The following MYH7B variants were observed in gnomAD, a reference collection of about 807,000 sequenced individuals.
The protein encoded by MYH7B is myosin-7B.
A neutral mutation model predicts 234.5 loss-of-function variants in MYH7B; 205 were observed. The ratio of observed to expected loss-of-function variants is 0.87; its 90% CI spans 0.78 to 0.98. The LOEUF (loss-of-function observed/expected upper bound fraction) is 0.98. Ranked by LOEUF, MYH7B falls within the 50% of genes least tolerant of loss-of-function variation. The probability of loss-of-function intolerance (pLI) is 0.00; values close to 1 mark genes in which losing one functional copy is unlikely to be tolerated. For missense variants in MYH7B, 2,652 were observed against 2,633.4 expected (o/e 1.01, Z -0.15); for synonymous variants, 1,193 against 1,105.0 (o/e 1.08, Z -1.58).
At chr20:34,973,549 C>T (rs560758053) in intron 2 of MYH7B, among the ~76,000 whole-genome samples, 1 of 152,300 alleles carries the variant, frequency 6.6e-6, no homozygotes, top group East Asian at 1.9e-4. Context: ...AGGCCTCAGC[C>T]CTGGTCGACC....
intron 30 of MYH7B, 118 bp downstream of exon 30, chr20:34,996,876 G>A (rs940091024): frequency 1.2e-5 from 17 of 1,415,540 alleles, no homozygotes; most frequent in Non-Finnish European, 1.5e-5. Context: ...GTTGACAGAT[G>A]GGGCACTGGG....
rs1305387914 is a variant in MYH7B, at chr20:34,997,533, G to A, written c.3640G>A (p.Val1214Met). The A allele has an allele frequency of 2.5e-6, 4 of 1,609,480 alleles. No individual in the cohort carries two copies. Among genetic ancestry groups the A allele is most frequent in the Admixed American group, 3.4e-5 (2 of 59,600 alleles). Residue 1214 changes from valine to methionine, a missense_variant, in exon 32 of 45, where the codon GTG becomes ATG. By Grantham distance (21) the Val-to-Met change is conservative. Transcript: ENST00000262873. ...GGGCGCGGCGGAGCTGGGGGAGCAG[G>A]TGGACAGCCTGCAGCGGGTGCGGCA...
At chr20:34,983,666 T>G (rs1474966309) in intron 10 of MYH7B, among the ~76,000 whole-genome samples, 1 of 152,164 alleles carries the variant, frequency 6.6e-6, no homozygotes, top group African/African-American at 2.4e-5. Flanking sequence ...CTTAAAAGAT[T>G]GATCAGCTCC....
At chr20:34,979,865 TGAG>T in intron 7 of MYH7B, 61 bp downstream of exon 7, 3 of 1,535,728 alleles carry the variant, frequency 2.0e-6, no homozygotes, top group South Asian at 2.3e-5. Flanking sequence ...GGGCTAGAGA[TGAG>T]GTGCTGGGGG....
At chr20:34,993,442 C>A in exon 26 of MYH7B, 1 of 1,609,468 alleles carries the variant, frequency 6.2e-7, no homozygotes, top group Non-Finnish European at 8.5e-7. Context: ...CCTCATGCGC[C>A]TTGAGTACCA....
Position 34,958,145 on chromosome 20 carries a change from A to T in MYH7B, c.-289A>T, listed in dbSNP as rs773392177. ...GCCAAGTGATGAGTATCAGGTGTCTATGGTGAGATTTGGGGAGGATCCCAG... is the reference window on the plus strand; with the variant it reads ...GCCAAGTGATGAGTATCAGGTGTCTTTGGTGAGATTTGGGGAGGATCCCAG... On this transcript the variant is annotated 5_prime_UTR_variant, in exon 2 of 45. It removes an upstream start codon present in the reference 5' UTR. Transcript: ENST00000262873. Among the ~76,000 whole-genome samples, 3 of 152,182 alleles carry T rather than the reference A, an allele frequency of 2.0e-5. No homozygotes were observed. Among genetic ancestry groups the T allele is most frequent in the African/African-American group, 7.2e-5 (3 of 41,442 alleles).
intron 16 of MYH7B, 39 bp from the exon 17 acceptor site, chr20:34,987,518 G>A: frequency 6.5e-7 from 1 of 1,531,536 alleles, no homozygotes; most frequent in Non-Finnish European, 8.9e-7. Flanking sequence ...AGTGCGCATG[G>A]TGGTGTCCTC....
chr20:34,969,649 G>A (rs1327660663), intron 2 of MYH7B, among the ~76,000 whole-genome samples: 6 of 149,818 alleles, frequency 4.0e-5, no homozygotes, highest in Non-Finnish European at 5.9e-5. Context: ...GGCTCAAGCA[G>A]TCCTCCTGCC....
At chr20:34,999,582 G>C in exon 37 of MYH7B, 1 of 1,609,238 alleles carries the variant, frequency 6.2e-7, no homozygotes, top group African/African-American at 1.3e-5. Flanking sequence ...GGAGATCAGC[G>C]ACCTCACAGA....
chr20:34,990,883 G>A, intron 23 of MYH7B, 58 bp downstream of exon 23: 3 of 1,599,182 alleles, frequency 1.9e-6, no homozygotes, highest in Middle Eastern at 1.7e-4. Context: ...AGGTGACAGG[G>A]CAGAGGCCGG....
intron 32 of MYH7B, among the ~76,000 whole-genome samples, chr20:34,998,046 C>T (rs993762724): frequency 1.3e-5 from 2 of 152,152 alleles, no homozygotes; most frequent in East Asian, 1.9e-4. Context: ...CAGGTGACTC[C>T]GCAGCTACCA....
At chr20:34,965,390 G>A (rs1352471913) in intron 2 of MYH7B, among the ~76,000 whole-genome samples, 1 of 152,248 alleles carries the variant, frequency 6.6e-6, no homozygotes, top group African/African-American at 2.4e-5. Flanking sequence ...TATTCACTGG[G>A]CCTGGCCTGA....
At chr20:34,971,567 T>C (rs1311529651) in intron 2 of MYH7B, among the ~76,000 whole-genome samples, 1 of 152,146 alleles carries the variant, frequency 6.6e-6, no homozygotes, top group Non-Finnish European at 1.5e-5. Context: ...GGTACAAACC[T>C]GGGACAAGCA....
intron 2 of MYH7B, among the ~76,000 whole-genome samples, chr20:34,974,981 C>T (rs958582681): frequency 7.3e-5 from 11 of 151,650 alleles, no homozygotes; most frequent in African/African-American, 2.7e-4. Flanking sequence ...AGAGACAATG[C>T]GGAGAGAAAG....
intron 19 of MYH7B, among the ~76,000 whole-genome samples, chr20:34,988,737 T>A (rs1299503580): frequency 1.3e-5 from 2 of 151,464 alleles, no homozygotes; most frequent in Non-Finnish European, 2.9e-5. Flanking sequence ...GGGGAAAAAA[T>A]GTTTCTCCCC....
At chr20:34,986,578 G>C (rs1362065577) in intron 14 of MYH7B, among the ~76,000 whole-genome samples, 4 of 152,220 alleles carry the variant, frequency 2.6e-5, no homozygotes, top group Non-Finnish European at 5.9e-5. Flanking sequence ...ATCTGGGCCA[G>C]AGGGGGCCAT....
chr20:34,974,339 G>A (rs927682597), intron 2 of MYH7B, among the ~76,000 whole-genome samples: 2 of 149,624 alleles, frequency 1.3e-5, no homozygotes, highest in Non-Finnish European at 3.0e-5. Flanking sequence ...GAAAGTGCTG[G>A]GATTACAAGC....
chr20:34,963,118 C>G (rs1264779775), intron 2 of MYH7B, among the ~76,000 whole-genome samples: 3 of 152,144 alleles, frequency 2.0e-5, no homozygotes, highest in Non-Finnish European at 4.4e-5. Flanking sequence ...GTCATAAATG[C>G]TATATAAATT....
At chr20:34,998,945 A>T (rs2082314621) in intron 35 of MYH7B, 30 bp downstream of exon 35, 5 of 1,603,334 alleles carry the variant, frequency 3.1e-6, no homozygotes, top group South Asian at 1.1e-5. Flanking sequence ...GGCCACTGCC[A>T]TGCAGAGCTT....
Sources: allele counts gnomAD v4.1 joint callset (sites outside exome capture counted in the v4.1 genomes callset), GRCh38; gene constraint gnomAD v4.1.1; transcripts MANE v1.5; gene names NCBI Gene and HGNC (gene_info 2026-07-23, HGNC 2026-07-21).